LIMD1: variants seen among roughly 807,000 people sequenced by gnomAD.
The protein encoded by LIMD1 is LIM domain containing 1.
Under a neutral mutation model 58.4 loss-of-function variants are expected in LIMD1, and 23 were observed. That is an observed-to-expected ratio of 0.39 (90% CI 0.28 to 0.56). The LOEUF is 0.56. LIMD1 is among the 20% of genes least tolerant of loss of function. LIMD1 has a pLI of 0.57. For missense variants in LIMD1, 838 were observed against 855.5 expected (o/e 0.98, Z 0.25); for synonymous variants, 334 against 345.5 (o/e 0.97, Z 0.37).
chr3:45,595,243 G>A lies in LIMD1; in HGVS notation c.364G>A (p.Ala122Thr), dbSNP rs941238265. The A allele has an allele frequency of 5.6e-6, 9 of 1,605,760 alleles. No individual in the cohort carries two copies. The highest frequency in any genetic ancestry group is 3.3e-5 in the Admixed American group (2 of 59,794). Residue 122 changes from alanine (A) to threonine (T), a missense_variant, in exon 1 of 8, where the codon GCT becomes ACT. By Grantham distance (58) the Ala-to-Thr change is moderately conservative. Around this residue, in one of 3 missense-constraint regions of LIMD1, gnomAD observed 659 missense variants for 639.8 expected, o/e 1.03. Transcript: ENST00000273317. Reference protein sequence around the residue: ...GAPGAVTTLAAGQPPYPPQEQ... With the variant: ...GAPGAVTTLATGQPPYPPQEQ... Reference sequence around the variant, plus strand: ...ACCTGGGGCAGTCACCACCCTCGCTGCTGGGCAGCCCCCGTACCCACCGCA... The same window carrying A: ...ACCTGGGGCAGTCACCACCCTCGCTACTGGGCAGCCCCCGTACCCACCGCA...
chr3:45,622,095 G>A (rs1222102070), intron 1 of LIMD1, among the ~76,000 whole-genome samples: 2 of 151,528 alleles, frequency 1.3e-5, no homozygotes, highest in Non-Finnish European at 2.9e-5. Flanking sequence ...GTAATTCACT[G>A]GTTTTTAGTG....
chr3:45,682,170 T>G lies in LIMD1; in HGVS notation c.*5111T>G, dbSNP rs917301265. On this transcript the variant is annotated 3_prime_UTR_variant, in exon 8 of 8. Transcript: ENST00000273317. ...CACCTTACACCAGAATAAAAGTTTT[T>G]TTTTTCTTTTTAAGTGATGAGAGAA... 19 of 152,206 alleles carry G rather than the reference T, an allele frequency of 1.2e-4. No homozygotes were observed. Among genetic ancestry groups the G allele is most frequent in the African/African-American group, 4.6e-4 (19 of 41,430 alleles). The allele number at this position is 152,206 out of a possible 1,614,324, so 9.4% of individuals were successfully genotyped here.
chr3:45,649,867 T>C (rs1360432468), intron 2 of LIMD1, among the ~76,000 whole-genome samples: 2 of 143,480 alleles, frequency 1.4e-5, no homozygotes, highest in African/African-American at 2.6e-5. Context: ...TTTTTTACTA[T>C]TTTCTCCCTT....
chr3:45,673,286 T>C (rs1697618825), intron 5 of LIMD1, among the ~76,000 whole-genome samples, 168 bp from the exon 6 acceptor site: 1 of 152,166 alleles, frequency 6.6e-6, no homozygotes, highest in African/African-American at 2.4e-5. Context: ...GAGCAAATAC[T>C]AAGGCATATT....
intron 2 of LIMD1, among the ~76,000 whole-genome samples, chr3:45,646,691 CT>C (rs565278104): frequency 2.3e-3 from 312 of 135,336 alleles, no homozygotes; most frequent in Middle Eastern, 7.6e-3. Flanking sequence ...GTTCCTAAAT[CT>C]TTTTTTTTTT....
At chr3:45,625,162 T>C (rs1701658987) in intron 1 of LIMD1, among the ~76,000 whole-genome samples, 1 of 152,130 alleles carries the variant, frequency 6.6e-6, no homozygotes, top group African/African-American at 2.4e-5. Flanking sequence ...CCCTAAATCA[T>C]AGTGATTTCT....
At chr3:45,676,030 G>A (rs1697665638) in intron 7 of LIMD1, among the ~76,000 whole-genome samples, 1 of 152,068 alleles carries the variant, frequency 6.6e-6, no homozygotes, top group African/African-American at 2.4e-5. Context: ...GATCACTTGA[G>A]GTCAGGAGTT....
intron 2 of LIMD1, among the ~76,000 whole-genome samples, chr3:45,658,535 CTTTTTTTTTTTTTTTTTTTTTT>C (rs10572210): frequency 4.5e-5 from 2 of 44,736 alleles, no homozygotes; most frequent in African/African-American, 6.2e-5. Flanking sequence ...CATGCAGATT[CTTTTTTTTTTTTTTTTTTTTTT>C]TTTTTTTTTT....
At chr3:45,602,918 C>A (rs957730364) in intron 1 of LIMD1, among the ~76,000 whole-genome samples, 1 of 151,624 alleles carries the variant, frequency 6.6e-6, no homozygotes, top group Non-Finnish European at 1.5e-5. Flanking sequence ...TGGCTCACTG[C>A]GGCCACCGCC....
intron 5 of LIMD1, 125 bp from the exon 6 acceptor site, chr3:45,673,327 ATG>A: frequency 1.3e-6 from 1 of 744,518 alleles, no homozygotes; most frequent in South Asian, 1.5e-5. Flanking sequence ...CAGTCATTCT[ATG>A]AGGGAGGAGA....
chr3:45,618,897 G>A (rs1701603173), intron 1 of LIMD1, among the ~76,000 whole-genome samples: 1 of 152,206 alleles, frequency 6.6e-6, no homozygotes, highest in South Asian at 2.1e-4. Flanking sequence ...CAGCAAGAGT[G>A]GACCCGAATT....
intron 6 of LIMD1, chr3:45,673,944 C>T (rs1697631296): frequency 3.9e-6 from 1 of 255,444 alleles, no homozygotes; most frequent in African/African-American, 2.2e-5. Context: ...GTGTCTTCAC[C>T]CTTCCTTGTT....
At chr3:45,636,504 C>T (rs1701790861) in intron 2 of LIMD1, among the ~76,000 whole-genome samples, 1 of 152,086 alleles carries the variant, frequency 6.6e-6, no homozygotes. Context: ...TCAGAGTGAT[C>T]CCTAATCACA....
At chr3:45,603,633 G>C (rs1701439775) in intron 1 of LIMD1, among the ~76,000 whole-genome samples, 2 of 152,142 alleles carry the variant, frequency 1.3e-5, no homozygotes, top group South Asian at 4.1e-4. Flanking sequence ...AGGGATATGG[G>C]GATGCCCAAT....
chr3:45,594,982 G>A lies in LIMD1; in HGVS notation c.103G>A (p.Ala35Thr), dbSNP rs1461308213. ...TGGGCTCTTCCGAGTGGACAAGGGTGCAGGCAACAACCCCGAGTTTGAGGA... is the reference window on the plus strand; with the variant it reads ...TGGGCTCTTCCGAGTGGACAAGGGTACAGGCAACAACCCCGAGTTTGAGGA... ...KDGLFRVDKG[A>T]GNNPEFEETR... is the part of the protein sequence containing the mutation. The change falls in exon 1 of 8, where the codon GCA becomes ACA. Residue 35 changes from alanine (A) to threonine (T), a missense_variant. Physicochemically the swap from Ala to Thr is moderately conservative, Grantham distance 58 (BLOSUM62 0). Coordinates refer to ENST00000273317, the MANE Select transcript of LIMD1 (RefSeq NM_014240.3). 7.4e-6 allele frequency: 12 copies of A among 1,613,910 alleles called. No individual in the cohort carries two copies. The highest frequency in any genetic ancestry group is 2.7e-5 in the African/African-American group (2 of 74,926).
intron 1 of LIMD1, among the ~76,000 whole-genome samples, chr3:45,622,865 A>G (rs541459212): frequency 6.1e-4 from 93 of 152,114 alleles, no homozygotes; most frequent in African/African-American, 1.8e-3. Context: ...ACAGGGTTTC[A>G]CCATGTTGGC....
rs114891990 is a variant in LIMD1 at position 45,599,929 on chromosome 3, G to T, written c.1408+3642G>T. 4.0e-5 allele frequency among the ~76,000 whole-genome samples: 6 copies of T among 150,018 alleles called. No homozygotes were observed. In the South Asian group the frequency reaches 1.0e-3, roughly 26 times the overall value. ...CTTGGGGCAGAGGAGGAAGTCTTTC[G>T]GTCTGAAGATTGGCAGTCATTGCCT... On this transcript the variant is annotated intron_variant, in intron 1 of 7. Transcript: ENST00000273317.
At chr3:45,618,161 C>T (rs991460439) in intron 1 of LIMD1, among the ~76,000 whole-genome samples, 4 of 152,088 alleles carry the variant, frequency 2.6e-5, no homozygotes, top group Admixed American at 6.5e-5. Flanking sequence ...TTGTGTTTTC[C>T]GTGGTTGGAG....
chr3:45,643,516 G>A (rs960639291), intron 2 of LIMD1, among the ~76,000 whole-genome samples: 3 of 151,918 alleles, frequency 2.0e-5, no homozygotes, highest in Non-Finnish European at 2.9e-5. Flanking sequence ...CTGTGAGGGA[G>A]AAGTAGGCAA....
Sources: allele counts gnomAD v4.1 joint callset (sites outside exome capture counted in the v4.1 genomes callset), GRCh38; gene constraint gnomAD v4.1.1; regional missense constraint gnomAD v4.1.1; transcripts MANE v1.5; gene names NCBI Gene and HGNC (gene_info 2026-07-23, HGNC 2026-07-21).